The following CFAP44 variants were observed in gnomAD, a reference collection of about 807,000 sequenced individuals.
The protein encoded by CFAP44 is cilia- and flagella-associated protein 44.
A neutral mutation model predicts 216.2 loss-of-function variants in CFAP44; 134 were observed. The observed-to-expected ratio is 0.62, with a 90% CI of 0.54 to 0.72. The LOEUF (loss-of-function observed/expected upper bound fraction) is 0.72. Among genes scored for constraint, CFAP44 ranks in the 30% least tolerant of loss-of-function variants. The pLI is 0.00. For synonymous variants in CFAP44, 700 were observed against 727.6 expected (o/e 0.96, Z 0.61); for missense variants, 2,035 against 2,182.1 (o/e 0.93, Z 1.34).
rs772957743 is a variant in CFAP44 at position 113,330,648 on chromosome 3, G to A, written c.3636C>T (p.His1212=). 38 of 1,532,546 alleles carry A rather than the reference G, an allele frequency of 2.5e-5. No homozygotes were observed. The highest frequency in any genetic ancestry group is 1.7e-4 in the Middle Eastern group (1 of 5,980). 94.9% of individuals were successfully genotyped at this position (1,532,546 alleles called of 1,614,324 possible). ...TAAGAGAGAGAATGCACTTGTTCATGTGCCTTTTATTTCCATGGACCTGAA... is the reference window on the plus strand; with the variant it reads ...TAAGAGAGAGAATGCACTTGTTCATATGCCTTTTATTTCCATGGACCTGAA... ...LDSLVHGNKR[H]MNKCILSLRD... Residue 1212 remains histidine, a synonymous_variant, in exon 26 of 35, where the codon CAC becomes CAT. Coordinates refer to ENST00000393845, the MANE Select transcript of CFAP44 (RefSeq NM_001164496.2).
At chr3:113,428,144 C>T (rs10934231) in intron 2 of CFAP44, among the ~76,000 whole-genome samples, 31,886 of 152,116 alleles carry the variant, frequency 0.21, 3,955 homozygotes, top group East Asian at 0.48. Context: ...AACAGATTCC[C>T]CAAGAGGGGG....
chr3:113,404,508 G>A (rs1269052931), intron 8 of CFAP44, among the ~76,000 whole-genome samples: 1 of 152,128 alleles, frequency 6.6e-6, no homozygotes, highest in Non-Finnish European at 1.5e-5. Context: ...TTTCCCAAGT[G>A]CATGCCACCA....
At chr3:113,339,913 C>T (rs746629391) in intron 24 of CFAP44, among the ~76,000 whole-genome samples, 1 of 152,226 alleles carries the variant, frequency 6.6e-6, no homozygotes, top group Non-Finnish European at 1.5e-5. Flanking sequence ...GGAAGAACCC[C>T]TTGCTTAGTG....
chr3:113,313,253 C>A (rs1950056463), intron 28 of CFAP44, among the ~76,000 whole-genome samples: 1 of 152,090 alleles, frequency 6.6e-6, no homozygotes, highest in Non-Finnish European at 1.5e-5. Flanking sequence ...ATGTGACTGC[C>A]CTGCTGGATT....
chr3:113,377,814 G>C (rs921631566), intron 17 of CFAP44, among the ~76,000 whole-genome samples: 1 of 151,944 alleles, frequency 6.6e-6, no homozygotes. Flanking sequence ...TACCATGCCC[G>C]GCTAATGTTT....
At chr3:113,410,084 C>T (rs1420170548) in intron 6 of CFAP44, among the ~76,000 whole-genome samples, 1 of 152,168 alleles carries the variant, frequency 6.6e-6, no homozygotes, top group Non-Finnish European at 1.5e-5. Context: ...GCCAAGCAGC[C>T]CAAGCCACTG....
intron 11 of CFAP44, 97 bp downstream of exon 11, chr3:113,401,143 G>A (rs1934129260): frequency 2.0e-5 from 23 of 1,167,440 alleles, no homozygotes; most frequent in Non-Finnish European, 2.4e-5. Flanking sequence ...TGAGGACCAT[G>A]ATGAAATATG....
intron 13 of CFAP44, among the ~76,000 whole-genome samples, chr3:113,398,284 G>T (rs1385206468): frequency 1.3e-5 from 2 of 152,098 alleles, no homozygotes; most frequent in Non-Finnish European, 2.9e-5. Flanking sequence ...GCACTAAGGG[G>T]AAGAAAATCA....
chr3:113,424,157 G>A (rs1399829145), intron 4 of CFAP44, among the ~76,000 whole-genome samples: 2 of 152,200 alleles, frequency 1.3e-5, no homozygotes, highest in East Asian at 3.8e-4. Flanking sequence ...GAAGTAGAGG[G>A]CTAGGCGCGG....
chr3:113,325,731 T>C (rs1260972693), intron 28 of CFAP44, among the ~76,000 whole-genome samples: 2 of 152,124 alleles, frequency 1.3e-5, no homozygotes, highest in African/African-American at 2.4e-5. Context: ...AATACGGAAA[T>C]ATCAAGGAAC....
intron 25 of CFAP44, among the ~76,000 whole-genome samples, chr3:113,332,677 A>G (rs1002090576): frequency 2.6e-5 from 4 of 152,222 alleles, no homozygotes; most frequent in Non-Finnish European, 5.9e-5. Context: ...AGGAACTTTC[A>G]TAAGAAAATG....
At chr3:113,401,178 G>T in intron 11 of CFAP44, 62 bp downstream of exon 11, 1 of 1,447,604 alleles carries the variant, frequency 6.9e-7, no homozygotes, top group South Asian at 1.3e-5. Context: ...ATACTTTAAA[G>T]ACAAATAACA....
At chr3:113,406,407 G>A (rs377369496) in intron 8 of CFAP44, among the ~76,000 whole-genome samples, 1 of 152,058 alleles carries the variant, frequency 6.6e-6, no homozygotes, top group Non-Finnish European at 1.5e-5. Context: ...GGCGGATCAC[G>A]AGGTCAGGAG....
intron 32 of CFAP44, among the ~76,000 whole-genome samples, chr3:113,299,148 T>C (rs1015577506): frequency 6.6e-6 from 1 of 152,138 alleles, no homozygotes; most frequent in Non-Finnish European, 1.5e-5. Flanking sequence ...AGAGAAAATA[T>C]TTGCAAATTA....
intron 22 of CFAP44, among the ~76,000 whole-genome samples, chr3:113,354,303 T>C (rs1950474764): frequency 1.3e-5 from 2 of 152,094 alleles, no homozygotes; most frequent in Admixed American, 6.5e-5. Context: ...CACAGACCCT[T>C]TGAAGGAACT....
chr3:113,343,010 A>T (rs547716226), intron 23 of CFAP44, among the ~76,000 whole-genome samples: 144 of 141,796 alleles, frequency 1.0e-3, no homozygotes, highest in South Asian at 7.4e-3. Flanking sequence ...ATAAAAAATT[A>T]AAAAAAAATG....
chr3:113,314,159 A>T (rs763035964), intron 28 of CFAP44, among the ~76,000 whole-genome samples: 1 of 152,182 alleles, frequency 6.6e-6, no homozygotes, highest in African/African-American at 2.4e-5. Context: ...CCCTAATTTG[A>T]CAAAAGACAG....
intron 26 of CFAP44, among the ~76,000 whole-genome samples, chr3:113,329,189 T>C (rs942880634): frequency 2.6e-5 from 4 of 152,158 alleles, no homozygotes; most frequent in African/African-American, 9.7e-5. Context: ...CAAGGAAAAT[T>C]AGTGTAAAAC....
chr3:113,289,324 G>A lies in CFAP44; in HGVS notation c.*2233C>T, dbSNP rs1949805906. 6.6e-6 allele frequency: 1 copy of A among 152,160 alleles called. No homozygotes were observed. The highest frequency in any genetic ancestry group is 2.4e-5 in the African/African-American group (1 of 41,432). The allele number at this position is 152,160 out of a possible 1,614,324, so 9.4% of individuals were successfully genotyped here. A position where few individuals can be genotyped will look rare whatever the true frequency, so the allele number is the denominator to read the frequency against. On this transcript the variant is annotated 3_prime_UTR_variant, in exon 35 of 35. Coordinates refer to ENST00000393845, the MANE Select transcript of CFAP44 (RefSeq NM_001164496.2). ...TAGTGATTTAGTCCAGCTCAGTTTG[G>A]GAATAATTATCCCGATTAGCTTTCC... is the stretch of plus-strand genomic sequence containing the variant.
Sources: gnomAD v4.1 joint callset for allele counts (sites outside exome capture counted in the v4.1 genomes callset) on GRCh38, gnomAD v4.1.1 for gene constraint, MANE v1.5 for transcripts, NCBI Gene and HGNC (gene_info 2026-07-23, HGNC 2026-07-21) for gene names.